The following TRPC7 variants were observed in gnomAD, a reference collection of about 807,000 sequenced individuals.
TRPC7 encodes the protein short transient receptor potential channel 7.
In TRPC7, 42 loss-of-function variants were observed where a neutral mutation model predicts 90.1. The ratio of observed to expected loss-of-function variants is 0.47; its 90% CI spans 0.36 to 0.60. The LOEUF is 0.60. Among genes scored for constraint, TRPC7 ranks in the 20% least tolerant of loss-of-function variants. The probability of loss-of-function intolerance (pLI) is 0.00; values close to 1 mark genes in which losing one functional copy is unlikely to be tolerated. For synonymous variants in TRPC7, 451 were observed against 436.3 expected (o/e 1.03, Z -0.42); for missense variants, 955 against 1,112.3 (o/e 0.86, Z 2.01).
At chr5:136,214,159 A>G (rs1755182131) in intron 11 of TRPC7, 1 of 152,662 alleles carries the variant, frequency 6.6e-6, no homozygotes, top group South Asian at 2.1e-4. Flanking sequence ...CTCAGCCCAC[A>G]CAAGCAGCAG....
chr5:136,344,359 A>G (rs111898589), intron 2 of TRPC7, among the ~76,000 whole-genome samples: 1 of 152,202 alleles, frequency 6.6e-6, no homozygotes, highest in Admixed American at 6.5e-5. Flanking sequence ...TGATGAAATA[A>G]ACTGTAAACC....
At chr5:136,222,115 G>A (rs1440849552) in intron 10 of TRPC7, 1 of 151,764 alleles carries the variant, frequency 6.6e-6, no homozygotes, top group Non-Finnish European at 1.5e-5. Context: ...TAAAAAAATG[G>A]TTTTGTGAAA....
At chr5:136,357,945 C>T (rs1279239338) in intron 1 of TRPC7, among the ~76,000 whole-genome samples, 1 of 152,184 alleles carries the variant, frequency 6.6e-6, no homozygotes, top group Non-Finnish European at 1.5e-5. Context: ...ATAGAGTTGG[C>T]CATCACAAAT....
intron 3 of TRPC7, among the ~76,000 whole-genome samples, chr5:136,287,703 A>ACCCAG (rs1318189424): frequency 2.7e-5 from 1 of 36,962 alleles, no homozygotes; most frequent in Non-Finnish European, 5.1e-5. Flanking sequence ...AAAAAAAAAA[A>ACCCAG]AAAAAAAAAA....
intron 4 of TRPC7, among the ~76,000 whole-genome samples, chr5:136,274,436 C>G (rs1320189725): frequency 6.6e-6 from 1 of 151,828 alleles, no homozygotes; most frequent in African/African-American, 2.4e-5. Flanking sequence ...TCAAATTATG[C>G]CTCTCGTGTT....
intron 2 of TRPC7, among the ~76,000 whole-genome samples, chr5:136,322,991 T>A (rs1291755176): frequency 6.6e-6 from 1 of 152,218 alleles, no homozygotes; most frequent in Non-Finnish European, 1.5e-5. Flanking sequence ...AAGTCTGATA[T>A]GGTTTGGCTG....
chr5:136,254,446 C>T (rs1756625831), intron 5 of TRPC7, among the ~76,000 whole-genome samples: 1 of 152,144 alleles, frequency 6.6e-6, no homozygotes, highest in Non-Finnish European at 1.5e-5. Context: ...AAGAATTATG[C>T]TAAATTGACT....
At chr5:136,294,052 A>G (rs1758065578) in intron 3 of TRPC7, among the ~76,000 whole-genome samples, 1 of 152,212 alleles carries the variant, frequency 6.6e-6, no homozygotes, top group Admixed American at 6.5e-5. Flanking sequence ...AGGATTCCCT[A>G]TTTAATAAAT....
At chr5:136,291,698 C>T (rs1053964316) in intron 3 of TRPC7, among the ~76,000 whole-genome samples, 13 of 152,136 alleles carry the variant, frequency 8.5e-5, no homozygotes, top group African/African-American at 2.7e-4. Flanking sequence ...CAATGGGAGA[C>T]TTTAACACCC....
At chr5:136,222,821 A>G (rs867182212) in intron 10 of TRPC7, among the ~76,000 whole-genome samples, 1 of 152,216 alleles carries the variant, frequency 6.6e-6, no homozygotes, top group African/African-American at 2.4e-5. Flanking sequence ...CAATTCAGTC[A>G]CTTGTGTGGC....
intron 8 of TRPC7, among the ~76,000 whole-genome samples, chr5:136,227,241 C>T (rs1229470868): frequency 3.9e-5 from 6 of 152,060 alleles, no homozygotes; most frequent in African/African-American, 9.7e-5. Context: ...GAACCTCTGT[C>T]CTAGGAGGGC....
intron 2 of TRPC7, among the ~76,000 whole-genome samples, chr5:136,343,283 T>A (rs892974003): frequency 3.3e-5 from 5 of 152,190 alleles, no homozygotes. Flanking sequence ...CAAATATAAC[T>A]GATGTTGGGG....
At chr5:136,258,949 A>G (rs1475568483) in intron 5 of TRPC7, among the ~76,000 whole-genome samples, 1 of 152,190 alleles carries the variant, frequency 6.6e-6, no homozygotes, top group East Asian at 1.9e-4. Flanking sequence ...TCAAAACACT[A>G]TCTCAACAGG....
At chr5:136,273,695 A>G (rs1757274042) in intron 4 of TRPC7, among the ~76,000 whole-genome samples, 3 of 152,236 alleles carry the variant, frequency 2.0e-5, no homozygotes, top group Admixed American at 2.0e-4. Context: ...CAAATTGCCT[A>G]TGGAACTAAT....
At chr5:136,325,271 G>A (rs927400607) in intron 2 of TRPC7, among the ~76,000 whole-genome samples, 2 of 152,224 alleles carry the variant, frequency 1.3e-5, no homozygotes, top group Admixed American at 6.5e-5. Context: ...TGGAGGACAT[G>A]CCTGGAGAGA....
At chr5:136,326,955 G>A (rs912369987) in intron 2 of TRPC7, among the ~76,000 whole-genome samples, 1 of 152,172 alleles carries the variant, frequency 6.6e-6, no homozygotes, top group Non-Finnish European at 1.5e-5. Context: ...GATTGACAGA[G>A]TTGAGGCATT....
At chr5:136,349,174 CCT>C in intron 2 of TRPC7, among the ~76,000 whole-genome samples, 3 of 152,314 alleles carry the variant, frequency 2.0e-5, no homozygotes, top group Admixed American at 2.0e-4. Context: ...GCCCATGTCG[CCT>C]CTCTCCACAG....
rs1581003023 is a variant in TRPC7 at position 136,365,474 on chromosome 5, G to A, written c.-220C>T. 3.4e-6 allele frequency: 2 copies of A among 581,534 alleles called. No individual in the cohort carries two copies. Among genetic ancestry groups the A allele is most frequent in the East Asian group, 2.8e-5 (1 of 36,246 alleles). 36.0% of individuals were successfully genotyped at this position (581,534 alleles called of 1,614,324 possible). ...AAAACTCGCCTTCCGAGGCAGAACC[G>A]TGTTACCGTCCTTTTCCTAATCGGG... On this transcript the variant is annotated 5_prime_UTR_variant, in exon 1 of 12. In the 5' UTR this introduces an upstream ATG that the reference lacks. Coordinates refer to ENST00000513104, the MANE Select transcript of TRPC7 (RefSeq NM_020389.3).
At chr5:136,361,794 C>A (rs1322472687) in intron 1 of TRPC7, among the ~76,000 whole-genome samples, 5 of 152,122 alleles carry the variant, frequency 3.3e-5, no homozygotes, top group Non-Finnish European at 7.4e-5. Flanking sequence ...TGCATCTTCT[C>A]CCAAGAGTAC....
Sources: gnomAD v4.1 joint callset for allele counts (sites outside exome capture counted in the v4.1 genomes callset) on GRCh38, gnomAD v4.1.1 for gene constraint, MANE v1.5 for transcripts, NCBI Gene and HGNC (gene_info 2026-07-23, HGNC 2026-07-21) for gene names.